Variants in MGA observed in about 807,000 individuals in gnomAD.
The protein encoded by MGA is MAX dimerization protein MGA, also known as MAX gene-associated protein.
A neutral mutation model predicts 261.1 loss-of-function variants in MGA; 40 were observed. That is an observed-to-expected ratio of 0.15 (90% CI 0.12 to 0.20). The LOEUF is 0.20. MGA is among the 10% of genes least tolerant of loss of function. The pLI is 1.00. For missense variants in MGA, 3,397 were observed against 3,630.5 expected (o/e 0.94, Z 1.65); for synonymous variants, 1,302 against 1,290.6 (o/e 1.01, Z -0.19).
intron 11 of MGA, 107 bp downstream of exon 11, chr15:41,729,456 C>G: frequency 9.6e-7 from 1 of 1,038,806 alleles, no homozygotes; most frequent in East Asian, 2.6e-5. Context: ...GCAGAGAAGT[C>G]ATACATGACA....
chr15:41,749,459 G>A lies in MGA; in HGVS notation c.5852G>A (p.Gly1951Glu). The change falls in exon 17 of 24, where the codon GGA becomes GAA. Residue 1951 changes from glycine (G) to glutamate (E), a missense_variant. Physicochemically the swap from Gly to Glu is moderately conservative, Grantham distance 98. Transcript: ENST00000219905. ...AGTTTTGCCTTGTTACAGCTCCCAG[G>A]ACAAAAGCCTGTTCCTAGCTCCATT... 6.2e-7 allele frequency: 1 copy of A among 1,613,922 alleles called. No individual in the cohort carries two copies. The highest frequency in any genetic ancestry group is 8.5e-7 in the Non-Finnish European group (1 of 1,179,882).
At chr15:41,681,099 G>T (rs1402410575) in intron 2 of MGA, among the ~76,000 whole-genome samples, 3 of 152,108 alleles carry the variant, frequency 2.0e-5, no homozygotes, top group African/African-American at 7.2e-5. Context: ...CCTGGACAAA[G>T]ACCAGACAAG....
intron 9 of MGA, among the ~76,000 whole-genome samples, chr15:41,715,490 C>A (rs542177004): frequency 1.3e-5 from 2 of 151,978 alleles, no homozygotes; most frequent in Admixed American, 1.3e-4. Context: ...AATTATATTT[C>A]TTCTAGTACT....
intron 1 of MGA, among the ~76,000 whole-genome samples, chr15:41,646,768 GTTAA>G (rs148841816): frequency 0.093 from 14,073 of 151,910 alleles, 999 homozygotes; most frequent in African/African-American, 0.19. Context: ...ATTGTGATGG[GTTAA>G]TTGAGATATC....
rs777085039 is a variant in MGA, at chr15:41,757,809, A to AGAT, written c.7164_7166dup (p.Asp2388dup). On this transcript the variant is annotated inframe_insertion, in exon 19 of 24. Transcript: ENST00000219905. ...CCAGGTCCTGTACTCACATCTCTGC[A>AGAT]GATGAAAAAGCAGCTGAAAGGAGTC... 2 of 1,610,774 alleles carry AGAT rather than the reference A, an allele frequency of 1.2e-6. No homozygotes were observed. Among genetic ancestry groups the AGAT allele is most frequent in the Non-Finnish European group, 1.7e-6 (2 of 1,177,448 alleles).
Position 41,743,035 on chromosome 15 carries a change from C to T in MGA, c.5075C>T (p.Ser1692Phe), listed in dbSNP as rs1567066113. ...TCAACCATAACTCTTCCTGTTGCTTCCACTGCTTCCACCTCCTTAGTCGTG... is the reference window on the plus strand; with the variant it reads ...TCAACCATAACTCTTCCTGTTGCTTTCACTGCTTCCACCTCCTTAGTCGTG... Residue 1692 changes from serine (S) to phenylalanine (F), a missense_variant, in exon 15 of 24, where the codon TCC becomes TTC. Coordinates refer to ENST00000219905, the MANE Select transcript of MGA (RefSeq NM_001164273.2). 3 of 1,613,996 alleles carry T rather than the reference C, an allele frequency of 1.9e-6. No homozygotes were observed. The highest frequency in any genetic ancestry group is 2.5e-6 in the Non-Finnish European group (3 of 1,179,894).
intron 10 of MGA, 81 bp downstream of exon 10, chr15:41,727,487 G>A: frequency 1.5e-6 from 2 of 1,308,700 alleles, no homozygotes; most frequent in Non-Finnish European, 2.1e-6. Flanking sequence ...ATTTTTGGTT[G>A]ATATTTTGTG....
chr15:41,745,512 CTG>C (rs1376013420), intron 15 of MGA, among the ~76,000 whole-genome samples: 9 of 151,312 alleles, frequency 5.9e-5, no homozygotes, highest in South Asian at 2.1e-4. Context: ...TCATCAAAGA[CTG>C]TACATAAAAT....
intron 9 of MGA, among the ~76,000 whole-genome samples, chr15:41,720,978 T>A (rs1250949628): frequency 2.0e-5 from 3 of 152,210 alleles, no homozygotes; most frequent in African/African-American, 7.2e-5. Context: ...ATAGAAACTT[T>A]ATTCGTTTCT....
intron 9 of MGA, among the ~76,000 whole-genome samples, chr15:41,721,943 TAGA>T (rs2060961877): frequency 6.6e-6 from 1 of 152,090 alleles, no homozygotes; most frequent in South Asian, 2.1e-4. Flanking sequence ...CTAATAACAA[TAGA>T]AGAATAAACA....
At chr15:41,688,933 G>T (rs186758651) in intron 2 of MGA, among the ~76,000 whole-genome samples, 18 of 152,140 alleles carry the variant, frequency 1.2e-4, no homozygotes, top group Admixed American at 9.8e-4. Context: ...GTCCACACAT[G>T]GGGGGAGCGG....
Position 41,750,395 on chromosome 15 carries a change from G to A in MGA, c.6788G>A (p.Ser2263Asn). The change falls in exon 17 of 24, where the codon AGC (serine) becomes AAC (asparagine). Residue 2263 changes from serine (S) to asparagine (N), a missense_variant. Around this residue, in one of 9 missense-constraint regions of MGA, gnomAD observed 1,410 missense variants for 1,386.4 expected, o/e 1.02. Transcript: ENST00000219905. ...ATTGTTCCTAGGAGAGCTGCAAAAAGCAGCAGAGGGAATGGACATTTTCAG... is the reference window on the plus strand; with the variant it reads ...ATTGTTCCTAGGAGAGCTGCAAAAAACAGCAGAGGGAATGGACATTTTCAG... The A allele has an allele frequency of 1.9e-6, 3 of 1,613,910 alleles. No individual in the cohort carries two copies. Among genetic ancestry groups the A allele is most frequent in the Non-Finnish European group, 2.5e-6 (3 of 1,179,864 alleles).
At chr15:41,741,513 T>A in intron 14 of MGA, among the ~76,000 whole-genome samples, 1 of 152,132 alleles carries the variant, frequency 6.6e-6, no homozygotes, top group East Asian at 1.9e-4. Flanking sequence ...AGCACAGCTG[T>A]AAAGAGGTGA....
intron 1 of MGA, among the ~76,000 whole-genome samples, chr15:41,641,342 A>G (rs1412870342): frequency 1.3e-5 from 2 of 151,974 alleles, no homozygotes; most frequent in Admixed American, 1.3e-4. Context: ...TTTCTTGGGT[A>G]TGTACGTAAT....
chr15:41,698,261 C>T (rs112344786), intron 3 of MGA, among the ~76,000 whole-genome samples: 3 of 140,032 alleles, frequency 2.1e-5, no homozygotes, highest in Non-Finnish European at 3.1e-5. Context: ...CTCTGTTTCC[C>T]GGGTTCAAGC....
At chr15:41,690,232 A>G (rs1377648896) in intron 2 of MGA, among the ~76,000 whole-genome samples, 1 of 152,150 alleles carries the variant, frequency 6.6e-6, no homozygotes, top group East Asian at 1.9e-4. Context: ...ACTTAGCTTG[A>G]TGTTTTTAAG....
chr15:41,711,207 A>G lies in MGA; in HGVS notation c.2942A>G (p.Gln981Arg). 6.2e-7 allele frequency: 1 copy of G among 1,614,052 alleles called. No homozygotes were observed. The highest frequency in any genetic ancestry group is 8.5e-7 in the Non-Finnish European group (1 of 1,179,894). The change falls in exon 8 of 24, where the codon CAG (glutamine) becomes CGG (arginine). Residue 981 changes from glutamine (Q) to arginine (R), a missense_variant. Gln to Arg is a conservative substitution (Grantham distance 43). Coordinates refer to ENST00000219905, the MANE Select transcript of MGA (RefSeq NM_001164273.2). ...GCACAGCAGCAGCAGCAACAGCAAC[A>G]GGGAAGTCGCCCTCCAGGCTTGTCT...
intron 2 of MGA, among the ~76,000 whole-genome samples, chr15:41,694,687 C>T (rs2059462254): frequency 6.6e-6 from 1 of 151,948 alleles, no homozygotes; most frequent in African/African-American, 2.4e-5. Flanking sequence ...CCACCACGCC[C>T]AGCTGATTTT....
At position 41,767,069 on chromosome 15, in the gene MGA, T is replaced by C. The variant is rs541119124; in HGVS notation, c.8987T>C (p.Val2996Ala). ...AAGTTGGCCCCTCTAGGTTTAAAAGTAGCTAATCCTTCCAGTGATGCAGAT... is the reference window on the plus strand; with the variant it reads ...AAGTTGGCCCCTCTAGGTTTAAAAGCAGCTAATCCTTCCAGTGATGCAGAT... The change falls in exon 24 of 24, where the codon GTA becomes GCA. Residue 2996 changes from valine to alanine, a missense_variant. Around this residue, in one of 9 missense-constraint regions of MGA, gnomAD observed 647 missense variants for 642.4 expected, o/e 1.01. Transcript: ENST00000219905. 1.5e-5 allele frequency: 25 copies of C among 1,613,980 alleles called. 1 individual carries two copies. The South Asian group carries it at 2.4e-4, about 16-fold the overall frequency.
Sources: allele counts gnomAD v4.1 joint callset (sites outside exome capture counted in the v4.1 genomes callset), GRCh38; gene constraint gnomAD v4.1.1; regional missense constraint gnomAD v4.1.1; transcripts MANE v1.5; gene names NCBI Gene and HGNC (gene_info 2026-07-23, HGNC 2026-07-21).